Variants in SAMD4B observed in about 807,000 individuals in gnomAD.
SAMD4B encodes the protein protein Smaug homolog 2.
SAMD4B carries 5 observed loss-of-function variants against 74.5 expected under a neutral mutation model. That is an observed-to-expected ratio of 0.07 (90% CI 0.04 to 0.14). The LOEUF (loss-of-function observed/expected upper bound fraction) is 0.14, where lower values mean the gene tolerates loss of function less well. Ranked by LOEUF, SAMD4B falls within the 10% of genes least tolerant of loss-of-function variation. The probability of loss-of-function intolerance (pLI) is 1.00; values close to 1 mark genes in which losing one functional copy is unlikely to be tolerated. For synonymous variants in SAMD4B, 373 were observed against 374.9 expected (o/e 1.00, Z 0.06); for missense variants, 608 against 921.8 (o/e 0.66, Z 4.41).
At chr19:39,380,559 T>C in intron 10 of SAMD4B, 28 bp from the exon 11 acceptor site, 1 of 1,613,256 alleles carries the variant, frequency 6.2e-7, no homozygotes, top group East Asian at 2.2e-5. Flanking sequence ...CTATGTAAAT[T>C]AACACCCTGC....
intron 3 of SAMD4B, among the ~76,000 whole-genome samples, chr19:39,361,267 T>A (rs1021896437): frequency 6.6e-6 from 1 of 152,094 alleles, no homozygotes; most frequent in Non-Finnish European, 1.5e-5. Context: ...CCCAAAAAGA[T>A]GCACACCTAC....
rs1464644222 is a variant in SAMD4B, at chr19:39,375,564, G to A, written c.668-86G>A. On this transcript the variant is annotated intron_variant, in intron 4 of 13. Transcript: ENST00000610417. The surrounding 1 kb of genome is among the most constrained non-coding windows in gnomAD (Gnocchi z 4.1). The stretch of plus-strand genomic sequence containing the variant: ...TCTTGGCAGGTTATGGGGCCAAACT[G>A]CCATCCTGGCACTGACGGCAGGGGG... The A allele has an allele frequency of 1.3e-6, 2 of 1,525,978 alleles. No individual in the cohort carries two copies. The highest frequency in any genetic ancestry group is 2.8e-5 in the African/African-American group (2 of 72,462). The allele number at this position is 1,525,978 out of a possible 1,614,324, so 94.5% of individuals were successfully genotyped here.
At chr19:39,371,262 C>T (rs528076090) in intron 4 of SAMD4B, among the ~76,000 whole-genome samples, 71 of 152,276 alleles carry the variant, frequency 4.7e-4, no homozygotes, top group Non-Finnish European at 7.5e-4. Flanking sequence ...GGGGTAACCT[C>T]GGGTCCCTAA....
chr19:39,366,246 G>A (rs1250099659), intron 3 of SAMD4B, among the ~76,000 whole-genome samples: 2 of 152,122 alleles, frequency 1.3e-5, no homozygotes, highest in South Asian at 4.1e-4. Context: ...AACCCCAGAG[G>A]CAGAGGTTCC....
chr19:39,363,953 G>A (rs1272631783), intron 3 of SAMD4B, among the ~76,000 whole-genome samples: 2 of 152,160 alleles, frequency 1.3e-5, no homozygotes, highest in Non-Finnish European at 2.9e-5. Flanking sequence ...GCCCCAGCTG[G>A]GCTCACCCCA....
At chr19:39,388,347 C>T (rs1445724933), downstream of SAMD4B, 4 of 1,613,934 alleles carry the variant, frequency 2.5e-6, no homozygotes, top group Non-Finnish European at 3.4e-6. Flanking sequence ...ACCTGGTTTC[C>T]AACTCATTGT....
At chr19:39,371,392 G>A (rs574822154) in intron 4 of SAMD4B, among the ~76,000 whole-genome samples, 29 of 152,336 alleles carry the variant, frequency 1.9e-4, no homozygotes, top group African/African-American at 6.3e-4. Flanking sequence ...AACCTGGGAA[G>A]ATAGAGGGAT....
At chr19:39,388,507 A>G (rs1568373861), downstream of SAMD4B, 6 of 1,613,940 alleles carry the variant, frequency 3.7e-6, no homozygotes, top group African/African-American at 4.0e-5. Context: ...TTTCTTCCCT[A>G]TCCCAATCCC....
At chr19:39,381,869 C>A (rs781031157) in intron 12 of SAMD4B, among the ~76,000 whole-genome samples, 28 of 152,290 alleles carry the variant, frequency 1.8e-4, no homozygotes, top group Non-Finnish European at 3.1e-4. Context: ...GAGGTCAAGG[C>A]TGTAGTGAGC....
At chr19:39,356,608 C>A (rs543102355) in intron 2 of SAMD4B, 81 bp from the exon 3 acceptor site, 36 of 281,600 alleles carry the variant, frequency 1.3e-4, no homozygotes, top group African/African-American at 7.8e-4. Context: ...AGGCATGAGG[C>A]CTTCATGCCC....
intron 1 of SAMD4B, among the ~76,000 whole-genome samples, chr19:39,346,170 G>A (rs1227003125): frequency 6.6e-6 from 1 of 152,136 alleles, no homozygotes; most frequent in African/African-American, 2.4e-5. Flanking sequence ...ACCAGTAGGG[G>A]GCTTGGGCAT....
intron 1 of SAMD4B, among the ~76,000 whole-genome samples, chr19:39,346,884 C>T (rs950814304): frequency 6.6e-6 from 1 of 152,100 alleles, no homozygotes. Flanking sequence ...AATAATGATA[C>T]TTTACTTCAT....
intron 3 of SAMD4B, among the ~76,000 whole-genome samples, chr19:39,365,239 C>G (rs2076889633): frequency 7.7e-6 from 1 of 129,868 alleles, no homozygotes; most frequent in African/African-American, 3.3e-5. Flanking sequence ...GAGCGAGACT[C>G]CGTAAAAAAA....
intron 1 of SAMD4B, among the ~76,000 whole-genome samples, 162 bp downstream of exon 1, chr19:39,342,738 G>A (rs2075381273): frequency 6.6e-6 from 1 of 151,076 alleles, no homozygotes; most frequent in African/African-American, 2.4e-5. Context: ...GGGGGGCCGG[G>A]CCCCACGGGA....
downstream of SAMD4B, chr19:39,387,125 T>TA: frequency 2.2e-6 from 1 of 445,912 alleles, no homozygotes; most frequent in Non-Finnish European, 4.3e-6. Flanking sequence ...ACAGTACTCT[T>TA]ACACAAACGT....
At chr19:39,346,389 A>G (rs1237778577) in intron 1 of SAMD4B, among the ~76,000 whole-genome samples, 1 of 152,222 alleles carries the variant, frequency 6.6e-6, no homozygotes, top group Non-Finnish European at 1.5e-5. Flanking sequence ...CACCCATGGT[A>G]TCTCTTCTCT....
At chr19:39,390,041 G>A, downstream of SAMD4B, 2 of 1,560,802 alleles carry the variant, frequency 1.3e-6, no homozygotes, top group Non-Finnish European at 1.8e-6. Context: ...ACTCATACCT[G>A]AGTAGTTTTC....
At chr19:39,351,732 CG>C (rs1375124839) in intron 1 of SAMD4B, 1 of 151,982 alleles carries the variant, frequency 6.6e-6, no homozygotes, top group East Asian at 1.9e-4. Flanking sequence ...AGGCTTCCAC[CG>C]TGAAATAGAA....
chr19:39,388,703 G>A (rs896007262), downstream of SAMD4B: 1 of 1,610,712 alleles, frequency 6.2e-7, no homozygotes, highest in Non-Finnish European at 8.5e-7. Flanking sequence ...GAGTAGCAAT[G>A]AAGTGTGAGG....
Sources: allele counts gnomAD v4.1 joint callset (sites outside exome capture counted in the v4.1 genomes callset), GRCh38; gene constraint gnomAD v4.1.1; non-coding constraint Gnocchi (gnomAD v3.1); transcripts MANE v1.5; gene names NCBI Gene and HGNC (gene_info 2026-07-23, HGNC 2026-07-21).